The following MLXIPL variants were observed in gnomAD, a reference collection of about 807,000 sequenced individuals.
The protein encoded by MLXIPL is carbohydrate-responsive element-binding protein.
A neutral mutation model predicts 81.5 loss-of-function variants in MLXIPL; 49 were observed. The ratio of observed to expected loss-of-function variants is 0.60; its 90% confidence interval spans 0.48 to 0.76. The LOEUF is 0.76. Among genes scored for constraint, MLXIPL ranks in the 30% least tolerant of loss-of-function variants. The pLI is 0.00. For missense variants in MLXIPL, 1,053 were observed against 1,167.0 expected (o/e 0.90, Z 1.42); for synonymous variants, 466 against 485.5 (o/e 0.96, Z 0.53).
intron 2 of MLXIPL, among the ~76,000 whole-genome samples, chr7:73,609,064 C>T (rs1193201222): frequency 6.6e-6 from 1 of 151,972 alleles, no homozygotes; most frequent in Admixed American, 6.6e-5. Context: ...TTGTCTTGGC[C>T]TCCCAAGGTG....
At chr7:73,630,159 G>T in the MLXIPL span, among the ~76,000 whole-genome samples, 1 of 151,528 alleles carries the variant, frequency 6.6e-6, no homozygotes, top group African/African-American at 2.4e-5. Context: ...CACCACTCCC[G>T]GCTAATTTTT....
At chr7:73,607,853 C>CTTTTT (rs1166806013) in intron 2 of MLXIPL, among the ~76,000 whole-genome samples, 181 bp from the exon 3 acceptor site, 6 of 110,360 alleles carry the variant, frequency 5.4e-5, no homozygotes, top group African/African-American at 1.1e-4. Context: ...CTAGATCTTC[C>CTTTTT]TTTTTTTTTT....
the MLXIPL span, among the ~76,000 whole-genome samples, chr7:73,642,115 A>G: frequency 6.6e-6 from 1 of 152,170 alleles, no homozygotes; most frequent in African/African-American, 2.4e-5. Flanking sequence ...AATTTGGTAG[A>G]ATGGCTCACA....
chr7:73,593,895 G>A lies in MLXIPL; in HGVS notation c.2529C>T (p.Val843=). 1 of 1,614,130 alleles carries A rather than the reference G, an allele frequency of 6.2e-7. No homozygotes were observed. The highest frequency in any genetic ancestry group is 1.1e-5 in the South Asian group (1 of 91,074). ...GRIPEQATRA[V]TEGTLGKPL ...AAGGTTTGCCAAGGGTGCCCTCTGTGACTGCCCGTGTGGCTTGCTCAGGGA... is the reference window on the plus strand; with the variant it reads ...AAGGTTTGCCAAGGGTGCCCTCTGTAACTGCCCGTGTGGCTTGCTCAGGGA... The change falls in exon 17 of 17, where the codon GTC becomes GTT. Residue 843 remains valine (V), a synonymous_variant. Transcript: ENST00000313375.
At chr7:73,636,229 G>A in the MLXIPL span, among the ~76,000 whole-genome samples, 1 of 152,054 alleles carries the variant, frequency 6.6e-6, no homozygotes, top group African/African-American at 2.4e-5. Flanking sequence ...GGCCAATATG[G>A]TGAAACCCCA....
chr7:73,624,477 C>G lies in MLXIPL; in HGVS notation c.16G>C (p.Ala6Pro), dbSNP rs782408295. 1 of 1,531,372 alleles carries G rather than the reference C, an allele frequency of 6.5e-7. No individual in the cohort carries two copies. Among genetic ancestry groups the G allele is most frequent in the Non-Finnish European group, 8.7e-7 (1 of 1,145,862 alleles). The allele number at this position is 1,531,372 out of a possible 1,614,324, so 94.9% of individuals were successfully genotyped here. A position where few individuals can be genotyped will look rare whatever the true frequency, so the allele number is the denominator to read the frequency against. The part of the protein sequence containing the change: MAGAL[A>P]GLAAGLQVPR... ...ACCTGCAAGCCCGCGGCCAGACCTG[C>G]CAGCGCGCCGGCCATGGCTGTCGCC... The change falls in exon 1 of 17, where the codon GCA (alanine) becomes CCA (proline). Residue 6 changes from alanine (A) to proline (P), a missense_variant. By Grantham distance (27) the Ala-to-Pro change is conservative. Around this residue, in one of 3 missense-constraint regions of MLXIPL, gnomAD observed 226 missense variants for 216.2 expected, o/e 1.05. Transcript: ENST00000313375.
the MLXIPL span, among the ~76,000 whole-genome samples, chr7:73,630,158 C>T: frequency 4.2e-4 from 64 of 151,810 alleles, no homozygotes; most frequent in Non-Finnish European, 7.4e-4. Flanking sequence ...CCACCACTCC[C>T]GGCTAATTTT....
In MLXIPL at chr7:73,596,658, G is replaced by C; in HGVS notation, c.1803C>G (p.Leu601=). 1.9e-6 allele frequency: 3 copies of C among 1,592,800 alleles called. No individual in the cohort carries two copies. The highest frequency in any genetic ancestry group is 2.6e-6 in the Non-Finnish European group (3 of 1,169,502). Residue 601 remains leucine (L), a synonymous_variant, in exon 11 of 17, where the codon CTC becomes CTG. Transcript: ENST00000313375. The surrounding 1 kb of genome is among the most constrained non-coding windows in gnomAD (Gnocchi z 4.7). ...CTTTACCGCTGGGCGCTGGGGGTGA[G>C]AGCCGCTCCGCTTTGGGGACAAGCA... The part of the protein sequence containing the change: ...RPLLVPKAER[L]SPPAPSGSER...
At chr7:73,621,527 T>C (rs7800944) in intron 1 of MLXIPL, among the ~76,000 whole-genome samples, 41,522 of 151,604 alleles carry the variant, frequency 0.27, 5,973 homozygotes, top group African/African-American at 0.35. Context: ...GACACTCAGC[T>C]CCTGTAATCT....
the MLXIPL span, among the ~76,000 whole-genome samples, chr7:73,641,021 G>T: frequency 3.9e-5 from 6 of 151,930 alleles, no homozygotes; most frequent in Non-Finnish European, 8.8e-5. Context: ...TCTGTAGGGG[G>T]CCAGGCACAG....
intron 1 of MLXIPL, among the ~76,000 whole-genome samples, chr7:73,619,317 C>A (rs1200527245): frequency 1.3e-5 from 2 of 151,932 alleles, no homozygotes; most frequent in African/African-American, 4.8e-5. Flanking sequence ...AAAAATTAGC[C>A]GGACGTGGTG....
chr7:73,625,871 G>A (rs987131001), upstream of MLXIPL, among the ~76,000 whole-genome samples: 2 of 152,186 alleles, frequency 1.3e-5, no homozygotes, highest in African/African-American at 4.8e-5. Flanking sequence ...TACTGGTAGG[G>A]ATGGGTGGCT....
At chr7:73,621,552 G>C (rs1796346484) in intron 1 of MLXIPL, among the ~76,000 whole-genome samples, 1 of 151,916 alleles carries the variant, frequency 6.6e-6, no homozygotes, top group Admixed American at 6.6e-5. Flanking sequence ...CCCTCCAGGG[G>C]ACCCCTGGAA....
rs782727311 is a variant in MLXIPL at position 73,596,269 on chromosome 7, C to T, written c.1942G>A (p.Glu648Lys). 4.2e-5 allele frequency: 68 copies of T among 1,607,316 alleles called. No individual in the cohort carries two copies. In the Admixed American group the frequency reaches 7.5e-4, roughly 18 times the overall value. Reference protein sequence around the residue: ...SRGRPDSNKTENRRITHISAE... With the variant: ...SRGRPDSNKTKNRRITHISAE... ...GAGATGTGTGTGATACGCCGGTTCT[C>T]GGTCTCGGGGAGCAGAGAGTTGGGT... Residue 648 changes from glutamate (E) to lysine (K), a missense_variant, in exon 13 of 17, where the codon GAG (glutamate) becomes AAG (lysine). Glu to Lys is a moderately conservative substitution (Grantham distance 56). This residue lies in a region of MLXIPL where 823 missense variants were observed against 933.0 expected (regional missense o/e 0.88). Coordinates refer to ENST00000313375, the MANE Select transcript of MLXIPL (RefSeq NM_032951.3). This position sits in a 1 kb window ranked among gnomAD's most constrained non-coding sequence, Gnocchi z 4.7.
At chr7:73,616,456 G>A (rs898026275) in intron 1 of MLXIPL, among the ~76,000 whole-genome samples, 1 of 152,104 alleles carries the variant, frequency 6.6e-6, no homozygotes, top group Admixed American at 6.6e-5. Flanking sequence ...GGATCAGCTC[G>A]GCCCTGGAAG....
intron 1 of MLXIPL, among the ~76,000 whole-genome samples, chr7:73,619,940 C>CAAACA (rs1554601618): frequency 2.0e-5 from 3 of 151,824 alleles, no homozygotes; most frequent in Admixed American, 1.3e-4. Context: ...AAAAAACAAA[C>CAAACA]AAACAAAACA....
Position 73,596,309 on chromosome 7 carries a change from G to A in MLXIPL, c.1939-37C>T, listed in dbSNP as rs782201963. 8 of 1,610,344 alleles carry A rather than the reference G, an allele frequency of 5.0e-6. No homozygotes were observed. The highest frequency in any genetic ancestry group is 5.9e-6 in the Non-Finnish European group (7 of 1,179,096). On this transcript the variant is annotated intron_variant, in intron 12 of 16. Transcript: ENST00000313375. The surrounding 1 kb of genome is among the most constrained non-coding windows in gnomAD (Gnocchi z 4.7). ...GAGAGTTGGGTGAGCCTAGGAAGGA[G>A]CCCAGGAGGGCCTGGGGGTAGCAAA... is the stretch of plus-strand genomic sequence containing the variant.
In MLXIPL at chr7:73,593,797, C is replaced by T. The variant is rs782027020; in HGVS notation, c.*68G>A. On this transcript the variant is annotated 3_prime_UTR_variant, in exon 17 of 17. Coordinates refer to ENST00000313375, the MANE Select transcript of MLXIPL (RefSeq NM_032951.3). ...CAGGAAGGGAGTGCCCAGAGATGAT[C>T]CCTGGAGCCCGTGCCCAGGGAAAGC... 1.4e-5 allele frequency: 19 copies of T among 1,349,222 alleles called. No homozygotes were observed. In the South Asian group the frequency reaches 1.5e-4, roughly 11 times the overall value. The allele number at this position is 1,349,222 out of a possible 1,614,324, so 83.6% of individuals were successfully genotyped here. A position where few individuals can be genotyped will look rare whatever the true frequency, so the allele number is the denominator to read the frequency against.
chr7:73,598,216 C>T (rs1469557763), intron 8 of MLXIPL, among the ~76,000 whole-genome samples: 1 of 152,134 alleles, frequency 6.6e-6, no homozygotes, highest in Admixed American at 6.6e-5. Flanking sequence ...ACCAATCTCT[C>T]CATCCATCCG....
Sources: allele counts gnomAD v4.1 joint callset (sites outside exome capture counted in the v4.1 genomes callset), GRCh38; gene constraint gnomAD v4.1.1; regional missense constraint gnomAD v4.1.1; non-coding constraint Gnocchi (gnomAD v3.1); transcripts MANE v1.5; gene names NCBI Gene and HGNC (gene_info 2026-07-23, HGNC 2026-07-21).